The following STON2 variants were observed in gnomAD, a reference collection of about 807,000 sequenced individuals.
The protein encoded by STON2 is stonin 2, also known as stonin-2.
A neutral mutation model predicts 65.7 loss-of-function variants in STON2; 29 were observed. That is an observed-to-expected ratio of 0.44 (90% CI 0.33 to 0.60). The LOEUF (loss-of-function observed/expected upper bound fraction) is 0.60, where lower values mean the gene tolerates loss of function less well. Among genes scored for constraint, STON2 ranks in the 20% least tolerant of loss-of-function variants. The pLI is 0.03. For missense variants in STON2, 1,054 were observed against 1,118.1 expected (o/e 0.94, Z 0.82); for synonymous variants, 404 against 414.2 (o/e 0.98, Z 0.30).
At chr14:81,280,984 C>G (rs185622216) in intron 5 of STON2, among the ~76,000 whole-genome samples, 30 of 145,870 alleles carry the variant, frequency 2.1e-4, no homozygotes, top group Non-Finnish European at 3.3e-4. Context: ...GCACTCCAGT[C>G]TGAGCGATAG....
At chr14:81,370,415 C>T (rs1426333988) in intron 4 of STON2, among the ~76,000 whole-genome samples, 1 of 152,220 alleles carries the variant, frequency 6.6e-6, no homozygotes, top group Non-Finnish European at 1.5e-5. Context: ...AGCCAGCATT[C>T]CATCTTACAC....
At chr14:81,405,254 A>G (rs2139839135), upstream of STON2, among the ~76,000 whole-genome samples, 1 of 152,088 alleles carries the variant, frequency 6.6e-6, no homozygotes, top group Middle Eastern at 3.4e-3. Context: ...TTCTCCCATA[A>G]GCTTATCCCA....
At position 81,324,088 on chromosome 14, in the gene STON2, G is replaced by A. The variant is rs112511675; in HGVS notation, c.671C>T (p.Ser224Leu). Among the ~76,000 whole-genome samples, 4 of 152,228 alleles carry A rather than the reference G, an allele frequency of 2.6e-5. No individual in the cohort carries two copies. Among genetic ancestry groups the A allele is most frequent in the African/African-American group, 7.2e-5 (3 of 41,464 alleles). ...CCTCTTGGGCTGGGGTGAGGGTGGCGAGGGGTCCAGGCGGTGGGTGCGGGT... is the reference window on the plus strand; with the variant it reads ...CCTCTTGGGCTGGGGTGAGGGTGGCAAGGGGTCCAGGCGGTGGGTGCGGGT... Reference protein sequence around the residue: ...TSTRTHRLDPSPPSPQPKRSQ... With the variant: ...TSTRTHRLDPLPPSPQPKRSQ... The change falls in exon 5 of 8, where the codon TCG becomes TTG. Residue 224 changes from serine to leucine, a missense_variant. By Grantham distance (145) the Ser-to-Leu change is moderately radical. Transcript: ENST00000614646.
At position 81,324,198 on chromosome 14, in the gene STON2, A is replaced by G. The variant is rs1566909056; in HGVS notation, c.572-11T>C. On this transcript the variant is annotated splice_polypyrimidine_tract_variant and intron_variant, in intron 4 of 7. Coordinates refer to ENST00000614646, the MANE Select transcript of STON2 (RefSeq NM_001394390.1). The stretch of plus-strand genomic sequence containing the variant: ...ACTCCGTCCTCTTGTCTGGGTGGGA[A>G]GGGCCAAGATGAAAAAAAAATGTGC... Among the ~76,000 whole-genome samples, 1 of 152,000 alleles carries G rather than the reference A, an allele frequency of 6.6e-6. No homozygotes were observed. Among genetic ancestry groups the G allele is most frequent in the Non-Finnish European group, 1.5e-5 (1 of 67,980 alleles).
chr14:81,312,398 T>C (rs1350451597), intron 5 of STON2, among the ~76,000 whole-genome samples: 1 of 152,234 alleles, frequency 6.6e-6, no homozygotes, highest in Non-Finnish European at 1.5e-5. Context: ...TATCTACACC[T>C]GTCTTCAAGG....
rs1257996005 is a variant in STON2, at chr14:81,263,602, C to T, written c.*4812G>A. 3.3e-6 allele frequency: 1 copy of T among 300,108 alleles called. No homozygotes were observed. The highest frequency in any genetic ancestry group is 2.3e-5 in the African/African-American group (1 of 43,902). 18.6% of individuals were successfully genotyped at this position (300,108 alleles called of 1,614,324 possible). The stretch of plus-strand genomic sequence containing the variant: ...ATTTTTTGGCCATGTTTTTAAAGCT[C>T]ATCAGCTGTTGTTACTGTATTTTAT... On this transcript the variant is annotated 3_prime_UTR_variant, in exon 8 of 8. Coordinates refer to ENST00000614646, the MANE Select transcript of STON2 (RefSeq NM_001394390.1).
chr14:81,350,484 A>AG (rs1273157558), intron 4 of STON2, among the ~76,000 whole-genome samples: 5 of 150,746 alleles, frequency 3.3e-5, no homozygotes, highest in African/African-American at 1.2e-4. Context: ...CAGAAGAAGA[A>AG]AAAAAAAAAA....
At chr14:81,317,505 G>A (rs1896668766) in intron 5 of STON2, among the ~76,000 whole-genome samples, 1 of 152,216 alleles carries the variant, frequency 6.6e-6, no homozygotes, top group Non-Finnish European at 1.5e-5. Flanking sequence ...CTGCCCTGGA[G>A]AATATCTGAG....
At chr14:81,347,616 A>G (rs1165560801) in intron 4 of STON2, among the ~76,000 whole-genome samples, 2 of 4,852 alleles carry the variant, frequency 4.1e-4, no homozygotes, top group African/African-American at 8.1e-4. Context: ...AGAAGACAGT[A>G]AAAAAAAAAA....
At position 81,277,793 on chromosome 14, in the gene STON2, A is replaced by G. The variant is rs765106975; in HGVS notation, c.1689T>C (p.Tyr563=). The change falls in exon 6 of 8, where the codon TAT becomes TAC. Residue 563 remains tyrosine, a synonymous_variant. Coordinates refer to ENST00000614646, the MANE Select transcript of STON2 (RefSeq NM_001394390.1). ...TGGGCTGGTATTTCTTCTTCTCTTT[A>G]TAGGTGACACGGTCTATCCGCAAGC... is the stretch of plus-strand genomic sequence containing the variant. The part of the protein sequence containing the change: ...IHSLRIDRVT[Y]KEKKKYQPKP... The G allele has an allele frequency of 2.2e-5, 36 of 1,614,070 alleles. No individual in the cohort carries two copies. Among genetic ancestry groups the G allele is most frequent in the Middle Eastern group, 1.6e-4 (1 of 6,062 alleles).
intron 3 of STON2, among the ~76,000 whole-genome samples, chr14:81,374,165 CAT>C (rs1899141148): frequency 6.6e-6 from 1 of 151,406 alleles, no homozygotes; most frequent in South Asian, 2.1e-4. Flanking sequence ...CTCCCGCCAC[CAT>C]GCCCGGCCGA....
chr14:81,261,645 T>C lies in STON2; in HGVS notation c.*6769A>G, dbSNP rs1894149127. The C allele has an allele frequency of 4.8e-6, 4 of 839,566 alleles. No individual in the cohort carries two copies. The highest frequency in any genetic ancestry group is 1.8e-5 in the African/African-American group (1 of 57,140). The allele number at this position is 839,566 out of a possible 1,614,324, so 52.0% of individuals were successfully genotyped here. ...CTCCTTCAATTTTCACAATATTTTA[T>C]ACAAAATGACAAATATATATATACC... On this transcript the variant is annotated 3_prime_UTR_variant, in exon 8 of 8. Coordinates refer to ENST00000614646, the MANE Select transcript of STON2 (RefSeq NM_001394390.1).
At chr14:81,343,736 T>C (rs553392756) in intron 4 of STON2, among the ~76,000 whole-genome samples, 74 of 152,334 alleles carry the variant, frequency 4.9e-4, no homozygotes, top group African/African-American at 1.6e-3. Context: ...GTCATACTCA[T>C]AAAAGCTACT....
intron 4 of STON2, among the ~76,000 whole-genome samples, chr14:81,328,288 A>AGAAGTCTATTAATTAAATGTAAATT: frequency 6.6e-6 from 1 of 152,174 alleles, no homozygotes; most frequent in South Asian, 2.1e-4. Flanking sequence ...AAATGTAAAT[A>AGAAGTCTATTAATTAAATGTAAATT]GAAGTCTATT....
intron 4 of STON2, among the ~76,000 whole-genome samples, chr14:81,345,307 C>G (rs1212491986): frequency 6.6e-6 from 1 of 152,110 alleles, no homozygotes; most frequent in African/African-American, 2.4e-5. Context: ...GAAGTCATTG[C>G]AGTGGGCCCT....
rs753081402 is a variant in STON2, at chr14:81,261,944, TAAAAAAAA to T, written c.*6462_*6469del. 15 of 1,196,664 alleles carry T rather than the reference TAAAAAAAA, an allele frequency of 1.3e-5. No homozygotes were observed. Among genetic ancestry groups the T allele is most frequent in the Non-Finnish European group, 1.6e-5 (15 of 960,504 alleles). The allele number at this position is 1,196,664 out of a possible 1,614,324, so 74.1% of individuals were successfully genotyped here. A position where few individuals can be genotyped will look rare whatever the true frequency, so the allele number is the denominator to read the frequency against. On this transcript the variant is annotated 3_prime_UTR_variant, in exon 8 of 8. Transcript: ENST00000614646. ...CTGTTTCTGTTGTCTGGGGAAATGA[TAAAAAAAA>T]AAAAAAAAAAGAGAGAGATGTGAAA...
chr14:81,392,222 T>A (rs776792339), intron 3 of STON2, among the ~76,000 whole-genome samples: 2 of 151,464 alleles, frequency 1.3e-5, no homozygotes, highest in Admixed American at 1.3e-4. Context: ...GGGGAGGGGG[T>A]TCCCAGAAAA....
intron 3 of STON2, among the ~76,000 whole-genome samples, chr14:81,385,462 G>A (rs1425508842): frequency 2.0e-5 from 3 of 152,180 alleles, no homozygotes; most frequent in Non-Finnish European, 2.9e-5. Context: ...TGTCCATGGT[G>A]TGTATACACT....
chr14:81,276,530 G>C (rs890988971), intron 6 of STON2, among the ~76,000 whole-genome samples: 1 of 152,216 alleles, frequency 6.6e-6, no homozygotes, highest in African/African-American at 2.4e-5. Flanking sequence ...GGCAGTGTGA[G>C]AAAGATGTCT....
Sources: gnomAD v4.1 joint callset for allele counts (sites outside exome capture counted in the v4.1 genomes callset) on GRCh38, gnomAD v4.1.1 for gene constraint, MANE v1.5 for transcripts, NCBI Gene and HGNC (gene_info 2026-07-23, HGNC 2026-07-21) for gene names.